The following COL6A3 variants were observed in gnomAD, a reference collection of about 807,000 sequenced individuals.
The protein encoded by COL6A3 is collagen type VI alpha 3 chain, also known as collagen alpha-3(VI) chain.
Under a neutral mutation model 274.1 loss-of-function variants are expected in COL6A3, and 137 were observed. That is an observed-to-expected ratio of 0.50 (90% CI 0.44 to 0.58). The LOEUF is 0.58. Among genes scored for constraint, COL6A3 ranks in the 20% least tolerant of loss-of-function variants. The probability of loss-of-function intolerance (pLI) is 0.00; values close to 1 mark genes in which losing one functional copy is unlikely to be tolerated. For synonymous variants in COL6A3, 1,650 were observed against 1,650.6 expected, an observed-to-expected ratio of 1.00 and a Z score of 0.01; for missense variants, 3,950 against 4,124.9, an observed-to-expected ratio of 0.96 and a Z score of 1.16.
rs150136960 is a variant in COL6A3, at chr2:237,366,661, G to T, written c.5500+26C>A. The T allele has an allele frequency of 1.2e-4, 192 of 1,614,166 alleles. 2 individuals carry two copies. In the African/African-American group the frequency reaches 2.3e-3, roughly 19 times the overall value. ...GCACAAATGTCAACAGGAAAGGATGGAAAATATGCACATAATGGGAGTTAC... is the reference window on the plus strand; with the variant it reads ...GCACAAATGTCAACAGGAAAGGATGTAAAATATGCACATAATGGGAGTTAC... On this transcript the variant is annotated intron_variant, in intron 11 of 43. Coordinates refer to ENST00000295550, the MANE Select transcript of COL6A3 (RefSeq NM_004369.4).
At position 237,344,199 on chromosome 2, in the gene COL6A3, C is replaced by T; in HGVS notation, c.7668+151G>A. 8.3e-7 allele frequency: 1 copy of T among 1,203,522 alleles called. No individual in the cohort carries two copies. The highest frequency in any genetic ancestry group is 1.2e-5 in the South Asian group (1 of 82,080). The allele number at this position is 1,203,522 out of a possible 1,614,324, so 74.6% of individuals were successfully genotyped here. On this transcript the variant is annotated intron_variant, in intron 36 of 43. Transcript: ENST00000295550. This position sits in a 1 kb window ranked among gnomAD's most constrained non-coding sequence, Gnocchi z 4.8. ...GGAGCCACGAGGTTGTCCTGGAGACCTCACAAGAGAAGTTCTCAGGCAGAT... is the reference window on the plus strand; with the variant it reads ...GGAGCCACGAGGTTGTCCTGGAGACTTCACAAGAGAAGTTCTCAGGCAGAT...
At position 237,374,612 on chromosome 2, in the gene COL6A3, G is replaced by A. The variant is rs1289164879; in HGVS notation, c.3479C>T (p.Ala1160Val). The A allele has an allele frequency of 6.2e-6, 10 of 1,614,184 alleles. No individual in the cohort carries two copies. The South Asian group carries it at 9.9e-5, about 16-fold the overall frequency. ...CCCGATGCCAATGCCAATGGGCACAGCCCCACCCCTCTTCACGACCACGGA... is the reference window on the plus strand; with the variant it reads ...CCCGATGCCAATGCCAATGGGCACAACCCCACCCCTCTTCACGACCACGGA... ...NPSVVVKRGG[A>V]VPIGIGIGNA... The change falls in exon 8 of 44, where the codon GCT (alanine) becomes GTT (valine). Residue 1160 changes from alanine to valine, a missense_variant. By Grantham distance (64) the Ala-to-Val change is moderately conservative. Coordinates refer to ENST00000295550, the MANE Select transcript of COL6A3 (RefSeq NM_004369.4). The surrounding 1 kb of genome is among the most constrained non-coding windows in gnomAD (Gnocchi z 4.8).
At chr2:237,366,128 AC>A in intron 11 of COL6A3, 93 bp from the exon 12 acceptor site, 2 of 1,126,514 alleles carry the variant, frequency 1.8e-6, no homozygotes, top group African/African-American at 1.5e-5. Context: ...CAGGCAGAGG[AC>A]CAGGGCATCG....
chr2:237,339,077 C>G lies in COL6A3; in HGVS notation c.8505G>C (p.Gln2835His), dbSNP rs1224473589. Reference sequence around the variant, plus strand: ...GTTGGTCCCCTTGGAACCAATCACACTGTTTCCTGATATCTGGGGACAAGT... The same window carrying G: ...GTTGGTCCCCTTGGAACCAATCACAGTGTTTCCTGATATCTGGGGACAAGT... ...AFYLSPDIRK[Q>H]CDWFQGDQPT... The change falls in exon 39 of 44, where the codon CAG becomes CAC. Residue 2835 changes from glutamine (Q) to histidine (H), a missense_variant. Gln to His is a conservative substitution (Grantham distance 24). Transcript: ENST00000295550. The G allele has an allele frequency of 6.2e-7, 1 of 1,614,140 alleles. No homozygotes were observed. The highest frequency in any genetic ancestry group is 1.1e-5 in the South Asian group (1 of 91,060).
At position 237,348,351 on chromosome 2, in the gene COL6A3, T is replaced by C. The variant is rs753313998; in HGVS notation, c.6964A>G (p.Lys2322Glu). The change falls in exon 30 of 44, where the codon AAG becomes GAG. Residue 2322 changes from lysine (K) to glutamate (E), a missense_variant and splice_region_variant. Transcript: ENST00000295550. Reference protein sequence around the residue: ...ERGFPGYPGPKGNPGEPGLNG... With the variant: ...ERGFPGYPGPEGNPGEPGLNG... ...TTCACCGACCAGGGATTATTTACCT[T>C]TGGTCCTGGGTATCCAGGGAATCCT... is the stretch of plus-strand genomic sequence containing the variant. 6.2e-7 allele frequency: 1 copy of C among 1,607,940 alleles called. No individual in the cohort carries two copies.
At chr2:237,354,816 G>T in intron 24 of COL6A3, 83 bp downstream of exon 24, 3 of 1,202,058 alleles carry the variant, frequency 2.5e-6, no homozygotes, top group Non-Finnish European at 3.6e-6. Flanking sequence ...TGGGTTCACA[G>T]GAGAGAGTGT....
At position 237,334,102 on chromosome 2, in the gene COL6A3, C is replaced by T. The variant is rs570574322; in HGVS notation, c.9229+524G>A. ...TGCAGGCCTCAGTGAAATGGGGGGG[C>T]CCCTGGGGACAACAGCCAGCCAAGG... On this transcript the variant is annotated intron_variant, in intron 41 of 43. Transcript: ENST00000295550. 8.5e-5 allele frequency among the ~76,000 whole-genome samples: 13 copies of T among 152,268 alleles called. No individual in the cohort carries two copies. In the East Asian group the frequency reaches 2.5e-3, roughly 29 times the overall value.
In COL6A3 at chr2:237,381,084, G is replaced by A; in HGVS notation, c.1728C>T (p.Ser576=). 1 of 1,614,246 alleles carries A rather than the reference G, an allele frequency of 6.2e-7. No homozygotes were observed. Among genetic ancestry groups the A allele is most frequent in the South Asian group, 1.1e-5 (1 of 91,084 alleles). The stretch of plus-strand genomic sequence containing the variant: ...TGTTCCCAATGGCAAAGGCCATTAT[G>A]CTGCTTCTCTTCAGCTCCTGGGCAG... The part of the protein sequence containing the change: ...SQPAQELKRS[S]IMAFAIGNKG... Residue 576 remains serine (S), a synonymous_variant, in exon 5 of 44, where the codon AGC becomes AGT. Transcript: ENST00000295550.
rs535498742 is a variant in COL6A3, at chr2:237,387,799, C to A, written c.1095G>T (p.Gly365=). The A allele has an allele frequency of 6.8e-6, 11 of 1,614,130 alleles. No homozygotes were observed. The highest frequency in any genetic ancestry group is 6.7e-5 in the East Asian group (3 of 44,866). ...AGPSSDEIRY[G]VVALKQASVF... is the part of the protein sequence containing the mutation. The stretch of plus-strand genomic sequence containing the variant: ...CGCTAGCCTGCTTCAGTGCTACCAC[C>A]CCGTAGCGAATCTCGTCACTAGAAG... The change falls in exon 4 of 44, where the codon GGG becomes GGT. Residue 365 remains glycine (G), a synonymous_variant. Transcript: ENST00000295550.
chr2:237,411,944 C>A (rs2078866919), intron 1 of COL6A3, among the ~76,000 whole-genome samples: 1 of 152,170 alleles, frequency 6.6e-6, no homozygotes, highest in Non-Finnish European at 1.5e-5. Flanking sequence ...TAGCCACACC[C>A]TCCAATGCCT....
At chr2:237,387,556 A>G (rs2078175097) in intron 4 of COL6A3, 26 bp downstream of exon 4, 1 of 1,613,618 alleles carries the variant, frequency 6.2e-7, no homozygotes, top group South Asian at 1.1e-5. Flanking sequence ...CCACTCCCAC[A>G]CAGATGGTGA....
In COL6A3 at chr2:237,379,102, A is replaced by C. The variant is rs2106367299; in HGVS notation, c.2031T>G (p.Arg677=). Residue 677 remains arginine, a synonymous_variant, in exon 6 of 44, where the codon CGT becomes CGG. Coordinates refer to ENST00000295550, the MANE Select transcript of COL6A3 (RefSeq NM_004369.4). ...NSLDIGNDNI[R]VGLVQFSDTP... Reference sequence around the variant, plus strand: ...TGTCACTAAATTGCACTAAACCAACACGAATATTGTCATTTCCAATATCAA... The same window carrying C: ...TGTCACTAAATTGCACTAAACCAACCCGAATATTGTCATTTCCAATATCAA... 1 of 1,614,268 alleles carries C rather than the reference A, an allele frequency of 6.2e-7. No individual in the cohort carries two copies. The highest frequency in any genetic ancestry group is 1.1e-5 in the South Asian group (1 of 91,086).
intron 9 of COL6A3, 43 bp from the exon 10 acceptor site, chr2:237,369,220 T>TA: frequency 1.3e-6 from 2 of 1,599,856 alleles, no homozygotes; most frequent in Non-Finnish European, 1.7e-6. Context: ...AGTGTGTAAG[T>TA]AGCCCTCACC....
At chr2:237,393,705 G>T (rs1245305130) in intron 3 of COL6A3, among the ~76,000 whole-genome samples, 1 of 152,216 alleles carries the variant, frequency 6.6e-6, no homozygotes, top group Non-Finnish European at 1.5e-5. Flanking sequence ...CATTACAGTT[G>T]CTGTGGTATG....
rs1038862168 is a variant in COL6A3, at chr2:237,371,265, G to A, written c.4285+467C>T. 1.3e-4 allele frequency among the ~76,000 whole-genome samples: 20 copies of A among 152,118 alleles called. No homozygotes were observed. The highest frequency in any genetic ancestry group is 2.2e-4 in the Non-Finnish European group (15 of 68,012). On this transcript the variant is annotated intron_variant, in intron 9 of 43. Coordinates refer to ENST00000295550, the MANE Select transcript of COL6A3 (RefSeq NM_004369.4). The surrounding 1 kb of genome is among the most constrained non-coding windows in gnomAD (Gnocchi z 4.3). ...AGCAATAGACCCAACTTGTTCAGTC[G>A]CAGGTGTGTCCTGGTGGGGTCTGGC...
At position 237,332,117 on chromosome 2, in the gene COL6A3, A is replaced by ATATTATATATATG. The variant is rs35490728; in HGVS notation, c.9328+1332_9328+1333insCATATATATAATA. On this transcript the variant is annotated intron_variant, in intron 42 of 43. Transcript: ENST00000295550. Reference sequence around the variant, plus strand: ...TATATATATATATATATATATATATATGAAAAGAAAAACAAAACAGCCCAG... The same window carrying ATATTATATATATG: ...TATATATATATATATATATATATATATATTATATATATGTGAAAAGAAAAACAAAACAGCCCAG... 9.4e-3 allele frequency among the ~76,000 whole-genome samples: 602 copies of ATATTATATATATG among 64,158 alleles called. 118 individuals are homozygous for ATATTATATATATG. The highest frequency in any genetic ancestry group is 0.012 in the South Asian group (17 of 1,468). The allele number at this position is 64,158 out of a possible 152,430, so 42.1% of individuals were successfully genotyped here. A position where few individuals can be genotyped will look rare whatever the true frequency, so the allele number is the denominator to read the frequency against.
chr2:237,330,663 C>G (rs777963758), intron 42 of COL6A3, among the ~76,000 whole-genome samples: 7 of 152,212 alleles, frequency 4.6e-5, no homozygotes, highest in Non-Finnish European at 7.3e-5. Flanking sequence ...ACATACCAAA[C>G]AGGGCCAGAT....
intron 42 of COL6A3, chr2:237,330,090 T>C (rs1179873574): frequency 7.2e-5 from 11 of 152,238 alleles, no homozygotes. Context: ...CATTTTGCAA[T>C]ACTGCAAAAA....
At chr2:237,358,307 T>C (rs1366522897) in intron 21 of COL6A3, among the ~76,000 whole-genome samples, 1 of 152,242 alleles carries the variant, frequency 6.6e-6, no homozygotes, top group Non-Finnish European at 1.5e-5. Flanking sequence ...ACTTCTCAGA[T>C]ATTTGTATAA....
Sources: gnomAD v4.1 joint callset for allele counts (sites outside exome capture counted in the v4.1 genomes callset) on GRCh38, gnomAD v4.1.1 for gene constraint, Gnocchi (gnomAD v3.1) non-coding constraint, MANE v1.5 for transcripts, NCBI Gene and HGNC (gene_info 2026-07-23, HGNC 2026-07-21) for gene names.